The following MACROD2 variants were observed in gnomAD, a reference collection of about 807,000 sequenced individuals.
MACROD2 encodes the protein mono-ADP ribosylhydrolase 2.
Under a neutral mutation model 70.4 loss-of-function variants are expected in MACROD2, and 36 were observed. That is an observed-to-expected ratio of 0.51 (90% CI 0.39 to 0.68). MACROD2 has a LOEUF of 0.68. Ranked by LOEUF, MACROD2 falls within the 30% of genes least tolerant of loss-of-function variation. MACROD2 has a pLI of 0.00. For synonymous variants in MACROD2, 172 were observed against 178.8 expected (o/e 0.96, Z 0.30); for missense variants, 496 against 538.4 (o/e 0.92, Z 0.78).
chr20:14,327,346 G>A, intron 3 of MACROD2: 2 of 1,613,732 alleles, frequency 1.2e-6, no homozygotes, highest in Non-Finnish European at 1.7e-6. Flanking sequence ...TGGTATTCCT[G>A]TTGGAATGGA....
intron 3 of MACROD2, among the ~76,000 whole-genome samples, chr20:14,230,422 C>G (rs948511991): frequency 6.6e-6 from 1 of 151,788 alleles, no homozygotes; most frequent in Non-Finnish European, 1.5e-5. Context: ...AAACCACTTT[C>G]TTTGCTCATC....
intron 5 of MACROD2, among the ~76,000 whole-genome samples, chr20:15,133,338 AAAAC>A (rs2076120604): frequency 1.3e-5 from 2 of 152,126 alleles, no homozygotes; most frequent in African/African-American, 4.8e-5. Context: ...CTCATAGACA[AAAAC>A]AACCAACCTC....
intron 8 of MACROD2, among the ~76,000 whole-genome samples, chr20:15,831,631 G>A (rs551163315): frequency 9.2e-5 from 14 of 152,040 alleles, no homozygotes; most frequent in South Asian, 6.2e-4. Context: ...TGCCTGTTCT[G>A]TCTCTGACAG....
At chr20:15,416,048 C>T (rs1406980695) in intron 6 of MACROD2, among the ~76,000 whole-genome samples, 1 of 152,204 alleles carries the variant, frequency 6.6e-6, no homozygotes, top group Non-Finnish European at 1.5e-5. Context: ...TGGATTAATG[C>T]AGTGAACACT....
At chr20:15,896,216 A>T (rs192111124) in intron 10 of MACROD2, among the ~76,000 whole-genome samples, 62 of 152,064 alleles carry the variant, frequency 4.1e-4, no homozygotes, top group Non-Finnish European at 4.4e-5. Flanking sequence ...TTATTTATAG[A>T]TCTCTCAGCT....
intron 8 of MACROD2, among the ~76,000 whole-genome samples, chr20:15,519,714 T>C (rs1189657163): frequency 6.6e-6 from 1 of 152,262 alleles, no homozygotes; most frequent in East Asian, 1.9e-4. Flanking sequence ...GTGACCTCAG[T>C]TTAGAAAGCA....
At chr20:15,822,323 A>G in intron 8 of MACROD2, among the ~76,000 whole-genome samples, 2 of 152,296 alleles carry the variant, frequency 1.3e-5, no homozygotes, top group Admixed American at 1.3e-4. Flanking sequence ...AATATAAACT[A>G]TATTAATAGT....
intron 3 of MACROD2, among the ~76,000 whole-genome samples, chr20:14,281,211 A>G (rs2082303392): frequency 6.6e-6 from 1 of 152,230 alleles, no homozygotes. Context: ...ATCAAATGCA[A>G]TATATCCATA....
chr20:15,390,723 C>T (rs376535852), intron 6 of MACROD2, among the ~76,000 whole-genome samples: 1 of 152,078 alleles, frequency 6.6e-6, no homozygotes, highest in African/African-American at 2.4e-5. Context: ...GAATACAACT[C>T]ATTTATGAAT....
chr20:15,154,186 T>C (rs888170580), intron 5 of MACROD2, among the ~76,000 whole-genome samples: 9 of 152,300 alleles, frequency 5.9e-5, no homozygotes, highest in African/African-American at 2.2e-4. Flanking sequence ...GTAAATATCC[T>C]AGGACATGGA....
At chr20:14,518,469 T>C (rs1374869211) in intron 4 of MACROD2, among the ~76,000 whole-genome samples, 1 of 152,126 alleles carries the variant, frequency 6.6e-6, no homozygotes, top group Non-Finnish European at 1.5e-5. Flanking sequence ...TGAATGGAAA[T>C]CATTTCAGTG....
chr20:15,016,778 C>T (rs2075124990), intron 5 of MACROD2, among the ~76,000 whole-genome samples: 1 of 152,082 alleles, frequency 6.6e-6, no homozygotes, highest in South Asian at 2.1e-4. Flanking sequence ...ATGGTAGCGG[C>T]AAGGGAAAAT....
At chr20:14,512,390 T>TG (rs1431731474) in intron 4 of MACROD2, among the ~76,000 whole-genome samples, 2 of 152,082 alleles carry the variant, frequency 1.3e-5, no homozygotes, top group South Asian at 2.1e-4. Flanking sequence ...AACCAAGGCT[T>TG]GGGGGTGGAA....
At position 14,597,763 on chromosome 20, in the gene MACROD2, T is replaced by C. The variant is rs144474373; in HGVS notation, c.302-87080T>C. ...CTTTTTTTGGTAAAGTCTCCTAATATTGTTCTCAACTTATAAATTTCAGAT... is the reference window on the plus strand; with the variant it reads ...CTTTTTTTGGTAAAGTCTCCTAATACTGTTCTCAACTTATAAATTTCAGAT... On this transcript the variant is annotated intron_variant, in intron 4 of 17. Transcript: ENST00000684519. Among the ~76,000 whole-genome samples the C allele has an allele frequency of 5.1e-3, 782 of 152,228 alleles. 9 individuals carry two copies. The highest frequency in any genetic ancestry group is 0.018 in the African/African-American group (732 of 41,550).
intron 3 of MACROD2, among the ~76,000 whole-genome samples, chr20:14,187,278 G>A (rs1310970850): frequency 6.6e-6 from 1 of 152,090 alleles, no homozygotes; most frequent in Non-Finnish European, 1.5e-5. Flanking sequence ...TGACATTGGT[G>A]TAAATGACAT....
At chr20:14,420,530 G>A (rs929988581) in intron 3 of MACROD2, among the ~76,000 whole-genome samples, 1 of 152,054 alleles carries the variant, frequency 6.6e-6, no homozygotes, top group Non-Finnish European at 1.5e-5. Context: ...CTGGAAAAAT[G>A]TCTATTCAAA....
intron 6 of MACROD2, among the ~76,000 whole-genome samples, chr20:15,290,041 C>T (rs1325853634): frequency 6.6e-6 from 1 of 152,092 alleles, no homozygotes; most frequent in Non-Finnish European, 1.5e-5. Flanking sequence ...TTTACTCATA[C>T]ATAACATGAC....
At chr20:14,515,265 A>G (rs1212763943) in intron 4 of MACROD2, among the ~76,000 whole-genome samples, 2 of 152,114 alleles carry the variant, frequency 1.3e-5, no homozygotes, top group Non-Finnish European at 2.9e-5. Context: ...ACTAGCTCTG[A>G]AAAACTGTGG....
rs1037408198 is a variant in MACROD2, at chr20:15,554,781, G to A, written c.645+54934G>A. Among the ~76,000 whole-genome samples the A allele has an allele frequency of 2.0e-5, 3 of 152,260 alleles. No homozygotes were observed. The South Asian group carries it at 6.2e-4, about 32-fold the overall frequency. On this transcript the variant is annotated intron_variant, in intron 8 of 17. Transcript: ENST00000684519. ...GCTGGGCCATTTAAGGAGGGCATGAGTTTAAATTCTGAACGCTGAATAAAA... is the reference window on the plus strand; with the variant it reads ...GCTGGGCCATTTAAGGAGGGCATGAATTTAAATTCTGAACGCTGAATAAAA...
Sources: gnomAD v4.1 joint callset for allele counts (sites outside exome capture counted in the v4.1 genomes callset) on GRCh38, gnomAD v4.1.1 for gene constraint, MANE v1.5 for transcripts, NCBI Gene and HGNC (gene_info 2026-07-23, HGNC 2026-07-21) for gene names.